The following EPHB1 variants were observed in gnomAD, a reference collection of about 807,000 sequenced individuals.
EPHB1 encodes EPH receptor B1.
EPHB1 carries 30 observed loss-of-function variants against 94.4 expected under a neutral mutation model. The ratio of observed to expected loss-of-function variants is 0.32; its 90% CI spans 0.24 to 0.43. The LOEUF is 0.43. EPHB1 is among the 20% of genes least tolerant of loss of function. EPHB1 has a pLI of 1.00. For missense variants in EPHB1, 1,055 were observed against 1,308.3 expected (o/e 0.81, Z 2.99); for synonymous variants, 522 against 489.1 (o/e 1.07, Z -0.89).
intron 3 of EPHB1, among the ~76,000 whole-genome samples, chr3:135,095,751 A>G (rs1473178561): frequency 6.6e-6 from 1 of 152,140 alleles, no homozygotes; most frequent in Non-Finnish European, 1.5e-5. Flanking sequence ...TCCTTGACTG[A>G]GTCATTTTCA....
At chr3:135,243,308 G>T (rs1943838994) in intron 13 of EPHB1, among the ~76,000 whole-genome samples, 1 of 152,140 alleles carries the variant, frequency 6.6e-6, no homozygotes, top group African/African-American at 2.4e-5. Context: ...ATCAGTGTAT[G>T]CTAGTTGTGA....
At chr3:135,119,698 T>C (rs576713134) in intron 4 of EPHB1, among the ~76,000 whole-genome samples, 37 of 152,320 alleles carry the variant, frequency 2.4e-4, no homozygotes, top group African/African-American at 8.4e-4. Context: ...GTGATCCCCC[T>C]GTCTTGGCCT....
intron 1 of EPHB1, among the ~76,000 whole-genome samples, chr3:134,882,787 T>TTTCTTTCTTTCTTTC (rs1560280597): frequency 8.8e-4 from 60 of 68,200 alleles, no homozygotes; most frequent in African/African-American, 2.7e-3. Context: ...TCTTTCTTTC[T>TTTCTTTCTTTCTTTC]TTCTTTCTTT....
chr3:135,166,910 G>C, intron 8 of EPHB1, 32 bp from the exon 9 acceptor site: 4 of 1,613,190 alleles, frequency 2.5e-6, no homozygotes, highest in Non-Finnish European at 3.4e-6. Flanking sequence ...GGTGTGCCCT[G>C]TGGCTGAGAG....
chr3:135,248,573 A>C (rs1417066169), intron 14 of EPHB1, 64 bp downstream of exon 14: 3 of 1,466,184 alleles, frequency 2.0e-6, no homozygotes, highest in African/African-American at 2.8e-5. Flanking sequence ...CATAGCCAGC[A>C]GCCTCTGACC....
rs370619849 is a variant in EPHB1 at position 134,906,812 on chromosome 3, C to T, written c.59-19004C>T. Among the ~76,000 whole-genome samples, 138 of 152,360 alleles carry T rather than the reference C, an allele frequency of 9.1e-4. 4 individuals carry two copies. In the South Asian group the frequency reaches 0.027, roughly 30 times the overall value. The stretch of plus-strand genomic sequence containing the variant: ...GTTGGGCTGGAGGACTTTACCTAGA[C>T]CTGTGCTGCTTTGCAGCCCAGAGGC... On this transcript the variant is annotated intron_variant, in intron 1 of 15. Coordinates refer to ENST00000398015, the MANE Select transcript of EPHB1 (RefSeq NM_004441.5).
chr3:134,941,791 AC>A (rs2039123705), intron 2 of EPHB1, among the ~76,000 whole-genome samples: 1 of 146,112 alleles, frequency 6.8e-6, no homozygotes, highest in Admixed American at 6.8e-5. Context: ...ACACACACAC[AC>A]ACACACAATC....
chr3:134,975,780 A>AG (rs1182498038), intron 3 of EPHB1, among the ~76,000 whole-genome samples: 2 of 24,228 alleles, frequency 8.3e-5, no homozygotes, highest in Non-Finnish European at 8.9e-5. Context: ...TTAAGAGGGC[A>AG]GGGGGGGAGT....
At chr3:134,975,099 A>G (rs1305750857) in intron 3 of EPHB1, among the ~76,000 whole-genome samples, 1 of 152,124 alleles carries the variant, frequency 6.6e-6, no homozygotes, top group East Asian at 1.9e-4. Flanking sequence ...AAAAGCCGGC[A>G]TTGATTTTTC....
intron 1 of EPHB1, among the ~76,000 whole-genome samples, chr3:134,842,217 C>T (rs559020467): frequency 1.3e-5 from 2 of 152,350 alleles, no homozygotes; most frequent in Admixed American, 6.5e-5. Context: ...GAAAGTGGGT[C>T]CTCACCAGTC....
At chr3:134,929,759 G>T (rs905941204) in intron 2 of EPHB1, among the ~76,000 whole-genome samples, 2 of 152,208 alleles carry the variant, frequency 1.3e-5, no homozygotes, top group South Asian at 2.1e-4. Flanking sequence ...GGTCTTCCGG[G>T]TGAAGAGGCT....
intron 4 of EPHB1, among the ~76,000 whole-genome samples, chr3:135,131,917 CTA>C (rs1940431556): frequency 6.6e-6 from 1 of 152,148 alleles, no homozygotes; most frequent in Admixed American, 6.5e-5. Flanking sequence ...TCTTACAGAG[CTA>C]TGCGATCTAT....
chr3:134,899,897 G>C (rs1012711889), intron 1 of EPHB1, among the ~76,000 whole-genome samples: 2 of 152,220 alleles, frequency 1.3e-5, no homozygotes, highest in Non-Finnish European at 2.9e-5. Flanking sequence ...ATAACAGAGA[G>C]TCATGACTAT....
intron 1 of EPHB1, among the ~76,000 whole-genome samples, chr3:134,804,071 ATTTTTTTTTTTTTT>A (rs572201781): frequency 1.2e-3 from 52 of 43,770 alleles, no homozygotes; most frequent in African/African-American, 3.4e-3. Flanking sequence ...ATTATTGGCT[ATTTTTTTTTTTTTT>A]TTTTTTTTTT....
chr3:135,079,907 G>T (rs185620769), intron 3 of EPHB1, among the ~76,000 whole-genome samples: 8 of 152,106 alleles, frequency 5.3e-5, no homozygotes, highest in Admixed American at 3.3e-4. Context: ...AGTAGACATG[G>T]CCATCCCAAG....
chr3:135,147,330 T>C (rs966890764), intron 5 of EPHB1, among the ~76,000 whole-genome samples: 1 of 152,250 alleles, frequency 6.6e-6, no homozygotes, highest in African/African-American at 2.4e-5. Flanking sequence ...ATCCAGCAGT[T>C]CCAATCCTAG....
At chr3:134,907,448 C>A (rs2038356391) in intron 1 of EPHB1, among the ~76,000 whole-genome samples, 1 of 152,208 alleles carries the variant, frequency 6.6e-6, no homozygotes, top group Non-Finnish European at 1.5e-5. Flanking sequence ...TTGTCTCTGG[C>A]CATTACCAGA....
chr3:135,234,475 A>G (rs1368066925), intron 12 of EPHB1, among the ~76,000 whole-genome samples: 1 of 152,148 alleles, frequency 6.6e-6, no homozygotes, highest in African/African-American at 2.4e-5. Context: ...AACTGTTCCA[A>G]CCTCTGCCTG....
At chr3:135,183,176 C>T (rs1266506728) in intron 10 of EPHB1, among the ~76,000 whole-genome samples, 1 of 150,426 alleles carries the variant, frequency 6.6e-6, no homozygotes, top group South Asian at 2.1e-4. Flanking sequence ...TCATGAGCCC[C>T]TTCTTTCCTT....
Sources: gnomAD v4.1 joint callset for allele counts (sites outside exome capture counted in the v4.1 genomes callset) on GRCh38, gnomAD v4.1.1 for gene constraint, MANE v1.5 for transcripts, NCBI Gene and HGNC (gene_info 2026-07-23, HGNC 2026-07-21) for gene names.